ATP8A2: variants seen among roughly 807,000 people sequenced by gnomAD.
ATP8A2 encodes the protein ATPase phospholipid transporting 8A2.
Under a neutral mutation model 165.6 loss-of-function variants are expected in ATP8A2, and 100 were observed. The observed-to-expected ratio is 0.60, with a 90% CI of 0.51 to 0.71. The LOEUF is 0.71. ATP8A2 is among the 30% of genes least tolerant of loss of function. The probability of loss-of-function intolerance (pLI) is 0.00; values close to 1 mark genes in which losing one functional copy is unlikely to be tolerated. For missense variants in ATP8A2, 1,227 were observed against 1,479.5 expected (o/e 0.83, Z 2.80); for synonymous variants, 543 against 548.8 (o/e 0.99, Z 0.15).
intron 2 of ATP8A2, among the ~76,000 whole-genome samples, chr13:25,496,895 G>A (rs1309880556): frequency 1.3e-5 from 2 of 152,096 alleles, no homozygotes; most frequent in Non-Finnish European, 2.9e-5. Flanking sequence ...ATTATAATCT[G>A]CTTGTGTGGG....
intron 19 of ATP8A2, among the ~76,000 whole-genome samples, chr13:25,575,527 C>T (rs188775409): frequency 2.8e-4 from 43 of 152,238 alleles, no homozygotes; most frequent in African/African-American, 7.7e-4. Flanking sequence ...GGCATCTTTT[C>T]CTATTATTAA....
rs549619641 is a variant in ATP8A2 at position 25,455,855 on chromosome 13, C to T, written c.77-13122C>T. Among the ~76,000 whole-genome samples, 127 of 152,284 alleles carry T rather than the reference C, an allele frequency of 8.3e-4. 2 individuals are homozygous for T. The South Asian group carries it at 0.025, about 30-fold the overall frequency. On this transcript the variant is annotated intron_variant, in intron 1 of 36. Transcript: ENST00000381655. Reference sequence around the variant, plus strand: ...TATTCTACTTTCTTGTAATTTTGTACAAGTTTCCACTACTAGATCATTTTG... The same window carrying T: ...TATTCTACTTTCTTGTAATTTTGTATAAGTTTCCACTACTAGATCATTTTG...
At chr13:25,729,479 G>A (rs146700793) in intron 25 of ATP8A2, among the ~76,000 whole-genome samples, 15 of 152,244 alleles carry the variant, frequency 9.9e-5, no homozygotes, top group South Asian at 4.2e-4. Flanking sequence ...ATTTAACTGC[G>A]CTTTAAAGAA....
intron 35 of ATP8A2, among the ~76,000 whole-genome samples, chr13:26,001,265 T>C (rs1956626812): frequency 1.3e-5 from 2 of 152,236 alleles, no homozygotes. Context: ...TAGACCACAT[T>C]TGCTTACACA....
intron 1 of ATP8A2, among the ~76,000 whole-genome samples, chr13:25,442,371 C>A (rs182397379): frequency 3.3e-5 from 5 of 152,290 alleles, no homozygotes; most frequent in Admixed American, 2.6e-4. Flanking sequence ...CAACAGTGCT[C>A]AAAGGTTCCA....
At chr13:25,722,810 T>G (rs2043409618) in intron 25 of ATP8A2, among the ~76,000 whole-genome samples, 1 of 152,232 alleles carries the variant, frequency 6.6e-6, no homozygotes, top group Non-Finnish European at 1.5e-5. Flanking sequence ...CTCCTTTCTA[T>G]CCCACAAAGG....
At position 25,768,521 on chromosome 13, in the gene ATP8A2, G is replaced by A. The variant is rs566916656; in HGVS notation, c.2385-525G>A. On this transcript the variant is annotated intron_variant, in intron 25 of 36. Coordinates refer to ENST00000381655, the MANE Select transcript of ATP8A2 (RefSeq NM_016529.6). ...GCTTCATTTTCTGGGGCGGATGTAG[G>A]GAAGTCTTTTTTCTTTGCTCTTACC... 1.2e-3 allele frequency among the ~76,000 whole-genome samples: 187 copies of A among 152,056 alleles called. 1 individual carries two copies. The highest frequency in any genetic ancestry group is 4.3e-3 in the African/African-American group (178 of 41,472).
chr13:25,601,156 G>A (rs959919003), intron 24 of ATP8A2, among the ~76,000 whole-genome samples: 2 of 152,176 alleles, frequency 1.3e-5, no homozygotes, highest in African/African-American at 4.8e-5. Flanking sequence ...GGCGCTAACA[G>A]GGTGAAACTC....
At chr13:25,589,252 G>A (rs2040003724) in intron 23 of ATP8A2, among the ~76,000 whole-genome samples, 2 of 152,130 alleles carry the variant, frequency 1.3e-5, no homozygotes, top group African/African-American at 4.8e-5. Context: ...TTAAAGGAAG[G>A]GAGGGAGCTA....
chr13:25,493,873 G>C (rs908680629), intron 2 of ATP8A2, among the ~76,000 whole-genome samples: 2 of 152,130 alleles, frequency 1.3e-5, no homozygotes, highest in African/African-American at 4.8e-5. Flanking sequence ...GGAAAGGAGG[G>C]CTGCCAGTAG....
Position 25,968,663 on chromosome 13 carries a change from G to T in ATP8A2, c.3361G>T (p.Asp1121Tyr), listed in dbSNP as rs1307728290. The T allele has an allele frequency of 6.2e-7, 1 of 1,613,266 alleles. No homozygotes were observed. Among genetic ancestry groups the T allele is most frequent in the East Asian group, 2.2e-5 (1 of 44,902 alleles). ...AGTCCTGGGAAAAGCGGTGCTGCGG[G>T]ATAGCAATGGAAAGAGGTGGGGAAC... ...SRVLGKAVLR[D>Y]SNGKRLNERD... The change falls in exon 35 of 37, where the codon GAT (aspartate) becomes TAT (tyrosine). Residue 1121 changes from aspartate to tyrosine, a missense_variant. Around this residue, in one of 5 missense-constraint regions of ATP8A2, gnomAD observed 260 missense variants for 245.1 expected, o/e 1.06. Coordinates refer to ENST00000381655, the MANE Select transcript of ATP8A2 (RefSeq NM_016529.6).
chr13:25,861,586 T>A (rs1952354156), intron 32 of ATP8A2, among the ~76,000 whole-genome samples: 1 of 152,176 alleles, frequency 6.6e-6, no homozygotes, highest in South Asian at 2.1e-4. Flanking sequence ...AATCAGGGAA[T>A]CCCCTAAGAG....
chr13:25,913,007 A>G (rs900642610), intron 33 of ATP8A2, among the ~76,000 whole-genome samples: 13 of 152,208 alleles, frequency 8.5e-5, no homozygotes, highest in African/African-American at 2.7e-4. Context: ...AGTTACTATC[A>G]TCCCTACGTG....
intron 35 of ATP8A2, among the ~76,000 whole-genome samples, chr13:25,973,532 C>G (rs9581499): frequency 1.3e-5 from 2 of 152,156 alleles, no homozygotes; most frequent in African/African-American, 4.8e-5. Flanking sequence ...TTCCTCCACT[C>G]CAGGCAGTGC....
chr13:25,554,593 C>T (rs2038924543), intron 12 of ATP8A2, among the ~76,000 whole-genome samples: 2 of 151,010 alleles, frequency 1.3e-5, no homozygotes, highest in Admixed American at 6.6e-5. Context: ...AAGTCTTGTG[C>T]TGTCACCCAG....
At chr13:25,729,095 TC>T (rs895708177) in intron 25 of ATP8A2, among the ~76,000 whole-genome samples, 5 of 152,122 alleles carry the variant, frequency 3.3e-5, no homozygotes, top group Non-Finnish European at 5.9e-5. Flanking sequence ...ACTGTTTTTT[TC>T]CCACCCTCCC....
chr13:25,666,333 C>A (rs9581411), intron 24 of ATP8A2, among the ~76,000 whole-genome samples: 4,262 of 152,088 alleles, frequency 0.028, 188 homozygotes, highest in African/African-American at 0.096. Flanking sequence ...CCTCAGCCTC[C>A]CAAGTAGCTG....
rs182601462 is a variant in ATP8A2 at position 25,929,917 on chromosome 13, T to C, written c.3184-31658T>C. Among the ~76,000 whole-genome samples the C allele has an allele frequency of 2.4e-4, 36 of 152,310 alleles. No homozygotes were observed. In the East Asian group the frequency reaches 6.6e-3, roughly 28 times the overall value. Reference sequence around the variant, plus strand: ...CCCATGGGCTTTTCCCTAATGTCACTGAACTTCCCGAACGTGAACTCCCAA... The same window carrying C: ...CCCATGGGCTTTTCCCTAATGTCACCGAACTTCCCGAACGTGAACTCCCAA... On this transcript the variant is annotated intron_variant, in intron 33 of 36. Transcript: ENST00000381655.
chr13:25,825,030 T>G (rs1951278528), intron 27 of ATP8A2, among the ~76,000 whole-genome samples: 1 of 152,064 alleles, frequency 6.6e-6, no homozygotes. Context: ...AGATTCGGTC[T>G]GCTGTGGGCA....
Sources: gnomAD v4.1 joint callset for allele counts (sites outside exome capture counted in the v4.1 genomes callset) on GRCh38, gnomAD v4.1.1 for gene constraint, gnomAD v4.1.1 regional missense constraint, MANE v1.5 for transcripts, NCBI Gene and HGNC (gene_info 2026-07-23, HGNC 2026-07-21) for gene names.